Variants in UBASH3A observed in about 807,000 individuals in gnomAD.
UBASH3A encodes the protein ubiquitin-associated and SH3 domain-containing protein A.
In UBASH3A, 63 loss-of-function variants were observed where a neutral mutation model predicts 73.5. The observed-to-expected ratio is 0.86, with a 90% CI of 0.70 to 1.06. The LOEUF (loss-of-function observed/expected upper bound fraction) is 1.06. Ranked by LOEUF, UBASH3A falls within the 50% of genes least tolerant of loss-of-function variation. The pLI is 0.00. For synonymous variants in UBASH3A, 363 were observed against 351.1 expected (o/e 1.03, Z -0.38); for missense variants, 860 against 859.0 (o/e 1.00, Z -0.02).
Position 42,413,021 on chromosome 21 carries a change from T to C in UBASH3A, c.355-3T>C. ...AACACAGGCTCTGTCTCTGTCCCCT[T>C]AGTGTGAAGACCAGAAGGTGGAATG... On this transcript the variant is annotated splice_polypyrimidine_tract_variant and splice_region_variant and intron_variant, in intron 3 of 14. Transcript: ENST00000319294. This position sits in a 1 kb window ranked among gnomAD's most constrained non-coding sequence, Gnocchi z 4.5. 1 of 1,613,522 alleles carries C rather than the reference T, an allele frequency of 6.2e-7. No individual in the cohort carries two copies. The highest frequency in any genetic ancestry group is 1.3e-5 in the African/African-American group (1 of 75,044).
At chr21:42,417,669 G>C (rs1452678079) in intron 6 of UBASH3A, 2 of 151,904 alleles carry the variant, frequency 1.3e-5, no homozygotes, top group African/African-American at 4.8e-5. Flanking sequence ...GTTTAGAAAC[G>C]AAGTGTGTGA....
Position 42,442,497 on chromosome 21 carries a change from T to A in UBASH3A, c.1532T>A (p.Ile511Asn). Reference protein sequence around the residue: ...KKIKIRVEPGIFEWTKWEAGK... With the variant: ...KKIKIRVEPGNFEWTKWEAGK... Reference sequence around the variant, plus strand: ...ATCAAGATACGAGTGGAACCTGGAATCTTTGAATGGACAAAATGGGAAGCT... The same window carrying A: ...ATCAAGATACGAGTGGAACCTGGAAACTTTGAATGGACAAAATGGGAAGCT... Residue 511 changes from isoleucine to asparagine, a missense_variant, in exon 12 of 15, where the codon ATC (isoleucine) becomes AAC (asparagine). By Grantham distance (149) the Ile-to-Asn change is moderately radical (BLOSUM62 -3). Coordinates refer to ENST00000319294, the MANE Select transcript of UBASH3A (RefSeq NM_018961.4). 9 of 1,614,132 alleles carry A rather than the reference T, an allele frequency of 5.6e-6. No individual in the cohort carries two copies. Among genetic ancestry groups the A allele is most frequent in the Non-Finnish European group, 7.6e-6 (9 of 1,180,018 alleles).
intron 7 of UBASH3A, among the ~76,000 whole-genome samples, chr21:42,421,003 C>T (rs1235608842): frequency 2.6e-5 from 4 of 152,206 alleles, no homozygotes; most frequent in African/African-American, 9.7e-5. Flanking sequence ...TTGTAGCCCA[C>T]CCTGATCAGA....
chr21:42,438,074 T>A (rs1323712820), intron 11 of UBASH3A, among the ~76,000 whole-genome samples: 3 of 152,104 alleles, frequency 2.0e-5, no homozygotes, highest in Non-Finnish European at 4.4e-5. Context: ...TTCCTGCCCA[T>A]AGGAGAGCAG....
intron 7 of UBASH3A, among the ~76,000 whole-genome samples, chr21:42,419,524 C>T (rs2053291726): frequency 6.6e-6 from 1 of 152,214 alleles, no homozygotes; most frequent in Non-Finnish European, 1.5e-5. Flanking sequence ...TCCTGGAACA[C>T]CTGTCACATT....
chr21:42,424,050 C>T (rs558083091), intron 7 of UBASH3A, among the ~76,000 whole-genome samples: 4 of 152,254 alleles, frequency 2.6e-5, no homozygotes, highest in African/African-American at 9.6e-5. Context: ...CTCCACACAT[C>T]ACTGACATAT....
In UBASH3A at chr21:42,432,149, G is replaced by A; in HGVS notation, c.1217G>A (p.Arg406Lys). The change falls in exon 9 of 15, where the codon AGA becomes AAA. Residue 406 changes from arginine (R) to lysine (K), a missense_variant. Physicochemically the swap from Arg to Lys is conservative, Grantham distance 26 (BLOSUM62 2). Transcript: ENST00000319294. ...GTGCTGGTGGTTCGCCACGGGGAGA[G>A]AGTGGATCAGATCTTCGGGAAGGCA... ...KSVLVVRHGE[R>K]VDQIFGKAWL... 1 of 1,613,754 alleles carries A rather than the reference G, an allele frequency of 6.2e-7. No homozygotes were observed. The highest frequency in any genetic ancestry group is 1.1e-5 in the South Asian group (1 of 91,010).
chr21:42,440,372 T>C (rs2053720146), intron 11 of UBASH3A, among the ~76,000 whole-genome samples: 1 of 152,242 alleles, frequency 6.6e-6, no homozygotes, highest in South Asian at 2.1e-4. Context: ...AATTGATATA[T>C]AGCAATTTCA....
Position 42,418,522 on chromosome 21 carries a change from G to A in UBASH3A, c.959G>A (p.Gly320Glu), listed in dbSNP as rs867130567. Residue 320 changes from glycine (G) to glutamate (E), a missense_variant, in exon 7 of 15, where the codon GGG (glycine) becomes GAG (glutamate). Physicochemically the swap from Gly to Glu is moderately conservative, Grantham distance 98 (BLOSUM62 -2). Coordinates refer to ENST00000319294, the MANE Select transcript of UBASH3A (RefSeq NM_018961.4). Reference sequence around the variant, plus strand: ...GAAGCCAGCGAGGGCTGGGTGATTGGGATCTCACAGCGGACGGGCTGCCGG... The same window carrying A: ...GAAGCCAGCGAGGGCTGGGTGATTGAGATCTCACAGCGGACGGGCTGCCGG... Reference protein sequence around the residue: ...QDEASEGWVIGISQRTGCRGF... With the variant: ...QDEASEGWVIEISQRTGCRGF... 2 of 1,614,086 alleles carry A rather than the reference G, an allele frequency of 1.2e-6. No homozygotes were observed. The highest frequency in any genetic ancestry group is 2.2e-5 in the South Asian group (2 of 91,090).
At chr21:42,410,232 T>C (rs1332348573) in intron 3 of UBASH3A, 2 of 694,862 alleles carry the variant, frequency 2.9e-6, no homozygotes, top group African/African-American at 1.8e-5. Flanking sequence ...ATGTGGGAGC[T>C]GCTCAGGAGA....
intron 13 of UBASH3A, among the ~76,000 whole-genome samples, chr21:42,444,005 T>C (rs989274852): frequency 2.0e-5 from 3 of 152,220 alleles, no homozygotes; most frequent in Non-Finnish European, 4.4e-5. Flanking sequence ...ACGGGTCTCC[T>C]AACCCTCCCG....
chr21:42,404,627 T>C (rs2052932112), intron 1 of UBASH3A, among the ~76,000 whole-genome samples: 1 of 152,162 alleles, frequency 6.6e-6, no homozygotes, highest in Non-Finnish European at 1.5e-5. Flanking sequence ...ACTCTGAAAG[T>C]GGCGTTTCAA....
intron 7 of UBASH3A, among the ~76,000 whole-genome samples, chr21:42,423,644 G>A (rs2053382305): frequency 6.6e-6 from 1 of 152,192 alleles, no homozygotes; most frequent in East Asian, 1.9e-4. Flanking sequence ...TGAGTCAGCG[G>A]CTATGATACT....
intron 2 of UBASH3A, among the ~76,000 whole-genome samples, chr21:42,408,726 C>G (rs1601555058): frequency 6.6e-6 from 1 of 151,788 alleles, no homozygotes. Flanking sequence ...GGTCATCCGT[C>G]GTTTTTCCTT....
chr21:42,429,077 C>G (rs528185707), intron 8 of UBASH3A, among the ~76,000 whole-genome samples: 2 of 152,192 alleles, frequency 1.3e-5, no homozygotes, highest in Non-Finnish European at 2.9e-5. Context: ...CAGAGGGGAT[C>G]TGATACAGCA....
intron 6 of UBASH3A, among the ~76,000 whole-genome samples, chr21:42,417,242 G>A (rs2053229688): frequency 6.6e-6 from 1 of 151,880 alleles, no homozygotes; most frequent in Non-Finnish European, 1.5e-5. Context: ...GGGCAACAGG[G>A]CAAAACGCTG....
At chr21:42,414,039 A>G (rs998460240) in intron 5 of UBASH3A, among the ~76,000 whole-genome samples, 1 of 152,168 alleles carries the variant, frequency 6.6e-6, no homozygotes, top group African/African-American at 2.4e-5. Flanking sequence ...CTACAAAACA[A>G]TGAGGGCTCT....
At chr21:42,411,996 G>T (rs1446454509) in intron 3 of UBASH3A, among the ~76,000 whole-genome samples, 1 of 152,176 alleles carries the variant, frequency 6.6e-6, no homozygotes, top group Non-Finnish European at 1.5e-5. Context: ...CCTCATACTT[G>T]GGCTTGTAAG....
chr21:42,416,544 C>T lies in UBASH3A; in HGVS notation c.770C>T (p.Pro257Leu). 2 of 1,610,652 alleles carry T rather than the reference C, an allele frequency of 1.2e-6. No homozygotes were observed. The highest frequency in any genetic ancestry group is 8.5e-7 in the Non-Finnish European group (1 of 1,178,648). The change falls in exon 6 of 15, where the codon CCC becomes CTC. Residue 257 changes from proline to leucine, a missense_variant. Physicochemically the swap from Pro to Leu is moderately conservative, Grantham distance 98. Transcript: ENST00000319294. ...RTLEQLARAI[P>L]LGHSCQWTAA... ...CTGGAGCAGCTGGCCAGAGCCATCCCCCTGGGCCACAGCTGCCAGTGGACC... is the reference window on the plus strand; with the variant it reads ...CTGGAGCAGCTGGCCAGAGCCATCCTCCTGGGCCACAGCTGCCAGTGGACC...
Sources: gnomAD v4.1 joint callset for allele counts (sites outside exome capture counted in the v4.1 genomes callset) on GRCh38, gnomAD v4.1.1 for gene constraint, Gnocchi (gnomAD v3.1) non-coding constraint, MANE v1.5 for transcripts, NCBI Gene and HGNC (gene_info 2026-07-23, HGNC 2026-07-21) for gene names.